MRC1: variants seen among roughly 807,000 people sequenced by gnomAD.
MRC1 encodes macrophage mannose receptor 1.
A neutral mutation model predicts 102.9 loss-of-function variants in MRC1; 62 were observed. The ratio of observed to expected loss-of-function variants is 0.60; its 90% CI spans 0.49 to 0.74. The LOEUF (loss-of-function observed/expected upper bound fraction) is 0.74. MRC1 is among the 30% of genes least tolerant of loss of function. The pLI, the probability that MRC1 is intolerant of heterozygous loss-of-function variation, is 0.00. For missense variants in MRC1, 1,237 were observed against 862.8 expected, an observed-to-expected ratio of 1.43 and a Z score of -5.43; for synonymous variants, 457 against 298.4, an observed-to-expected ratio of 1.53 and a Z score of -5.48.
chr10:17,868,741 G>T (rs1324855220), intron 12 of MRC1, among the ~76,000 whole-genome samples: 1 of 152,196 alleles, frequency 6.6e-6, no homozygotes, highest in Admixed American at 6.5e-5. Flanking sequence ...TCTAACTCAA[G>T]AGGAGTATGG....
chr10:17,906,513 C>T (rs936666192), intron 26 of MRC1, among the ~76,000 whole-genome samples: 4 of 152,126 alleles, frequency 2.6e-5, no homozygotes, highest in Non-Finnish European at 5.9e-5. Flanking sequence ...TTATCTGCTT[C>T]ACCAAGAATG....
At chr10:17,874,673 A>G (rs1833402563) in intron 16 of MRC1, among the ~76,000 whole-genome samples, 1 of 151,448 alleles carries the variant, frequency 6.6e-6, no homozygotes, top group Non-Finnish European at 1.5e-5. Context: ...GAAGCACCCA[A>G]GTGCATCTAT....
At position 17,907,649 on chromosome 10, in the gene MRC1, T is replaced by C; in HGVS notation, c.4029T>C (p.Ser1343=). The C allele has an allele frequency of 1.3e-6, 1 of 780,776 alleles. No homozygotes were observed. The highest frequency in any genetic ancestry group is 2.4e-6 in the Non-Finnish European group (1 of 417,954). 48.4% of individuals were successfully genotyped at this position (780,776 alleles called of 1,614,324 possible). A position where few individuals can be genotyped will look rare whatever the true frequency, so the allele number is the denominator to read the frequency against. ...VALHASSGFW[S]NIHCSSYKGY... ...TACATGCGTCTTCTGGGTTTTGGAG[T>C]AATATTCACTGTTCATCCTACAAAG... is the stretch of plus-strand genomic sequence containing the variant. The change falls in exon 28 of 30, where the codon AGT becomes AGC. Residue 1343 remains serine, a synonymous_variant. Coordinates refer to ENST00000569591, the MANE Select transcript of MRC1 (RefSeq NM_002438.4).
chr10:17,898,249 G>T lies in MRC1; in HGVS notation c.3466G>T (p.Ala1156Ser). The change falls in exon 24 of 30, where the codon GCC (alanine) becomes TCC (serine). Residue 1156 changes from alanine (A) to serine (S), a missense_variant. By Grantham distance (99) the Ala-to-Ser change is moderately conservative. Coordinates refer to ENST00000569591, the MANE Select transcript of MRC1 (RefSeq NM_002438.4). ...AACATCTAATGAACGTGTGTGGATC[G>T]CCCTGAACAGTAACTTGGTAAGATG... ...METSNERVWI[A>S]LNSNLTDNQY... 1.3e-6 allele frequency: 1 copy of T among 779,028 alleles called. No homozygotes were observed. Among genetic ancestry groups the T allele is most frequent in the Non-Finnish European group, 2.4e-6 (1 of 417,360 alleles). 48.3% of individuals were successfully genotyped at this position (779,028 alleles called of 1,614,324 possible). A position where few individuals can be genotyped will look rare whatever the true frequency, so the allele number is the denominator to read the frequency against.
At chr10:17,829,719 G>A (rs1193030162) in intron 3 of MRC1, among the ~76,000 whole-genome samples, 1 of 151,344 alleles carries the variant, frequency 6.6e-6, no homozygotes, top group Non-Finnish European at 1.5e-5. Context: ...CTTTCTTAAG[G>A]GTATATATTT....
chr10:17,909,203 A>G (rs1225280052), intron 28 of MRC1, 103 bp from the exon 29 acceptor site: 2 of 723,948 alleles, frequency 2.8e-6, no homozygotes, highest in Non-Finnish European at 5.1e-6. Flanking sequence ...CAATCAACAC[A>G]CATCAAATGT....
chr10:17,884,847 G>A (rs1398621463), intron 21 of MRC1, among the ~76,000 whole-genome samples: 3 of 152,184 alleles, frequency 2.0e-5, no homozygotes, highest in Non-Finnish European at 4.4e-5. Flanking sequence ...AACTGTCTGG[G>A]TTAAGAGTCC....
Position 17,853,002 on chromosome 10 carries a change from A to G in MRC1, c.1285A>G (p.Ile429Val). 1 of 780,818 alleles carries G rather than the reference A, an allele frequency of 1.3e-6. No individual in the cohort carries two copies. The highest frequency in any genetic ancestry group is 2.4e-6 in the Non-Finnish European group (1 of 417,940). The allele number at this position is 780,818 out of a possible 1,614,324, so 48.4% of individuals were successfully genotyped here. A position where few individuals can be genotyped will look rare whatever the true frequency, so the allele number is the denominator to read the frequency against. ...NDELWIGLNDIKIQMYFEWSD... is the reference protein window; with the variant it reads ...NDELWIGLNDVKIQMYFEWSD... ...CGAATTGTGGATCGGCTTAAATGAC[A>G]TTAAGATTCAAATGTACTTTGAGTG... The change falls in exon 8 of 30, where the codon ATT becomes GTT. Residue 429 changes from isoleucine (I) to valine (V), a missense_variant. Ile to Val is a conservative substitution (Grantham distance 29). Transcript: ENST00000569591.
At chr10:17,833,200 A>G (rs1838605926) in intron 3 of MRC1, among the ~76,000 whole-genome samples, 1 of 152,176 alleles carries the variant, frequency 6.6e-6, no homozygotes, top group African/African-American at 2.4e-5. Context: ...TTTCAGGAGT[A>G]AAGAAAATCT....
At chr10:17,840,881 C>T (rs1838739797) in intron 5 of MRC1, 75 bp downstream of exon 5, 5 of 779,478 alleles carry the variant, frequency 6.4e-6, no homozygotes, top group Middle Eastern at 2.5e-4. Flanking sequence ...TTTATTATCT[C>T]ACCTGTTGAT....
intron 8 of MRC1, among the ~76,000 whole-genome samples, chr10:17,856,020 A>G (rs1833085676): frequency 6.6e-6 from 1 of 152,012 alleles, no homozygotes; most frequent in Admixed American, 6.6e-5. Context: ...AATACAAAAA[A>G]TTAGCAGAGC....
chr10:17,892,583 C>A (rs1833694943), intron 22 of MRC1, among the ~76,000 whole-genome samples: 1 of 152,198 alleles, frequency 6.6e-6, no homozygotes, highest in Non-Finnish European at 1.5e-5. Context: ...TTCCAAGCTC[C>A]TTACATATCC....
chr10:17,831,985 G>A lies in MRC1; in HGVS notation c.638-1690G>A, dbSNP rs1320635774. On this transcript the variant is annotated intron_variant, in intron 3 of 29. Coordinates refer to ENST00000569591, the MANE Select transcript of MRC1 (RefSeq NM_002438.4). ...AATGAAAAAGTTACAAGCAACATTT[G>A]CTATTGCTAAGCGCTCCACCTGTAT... Among the ~76,000 whole-genome samples the A allele has an allele frequency of 2.0e-5, 3 of 151,686 alleles. No homozygotes were observed. In the East Asian group the frequency reaches 5.8e-4, roughly 29 times the overall value.
At chr10:17,845,507 G>T in intron 6 of MRC1, 72 bp downstream of exon 6, 1 of 772,484 alleles carries the variant, frequency 1.3e-6, no homozygotes, top group Non-Finnish European at 2.4e-6. Context: ...CAGCTTAGGT[G>T]TAACTGTTGG....
At chr10:17,833,503 A>C (rs1838611862) in intron 3 of MRC1, among the ~76,000 whole-genome samples, 172 bp from the exon 4 acceptor site, 1 of 146,156 alleles carries the variant, frequency 6.8e-6, no homozygotes, top group East Asian at 2.0e-4. Context: ...CCTGGGCAAC[A>C]GAGCAAGACT....
chr10:17,824,306 A>G (rs1291816771), intron 2 of MRC1, among the ~76,000 whole-genome samples: 1 of 152,222 alleles, frequency 6.6e-6, no homozygotes, highest in Non-Finnish European at 1.5e-5. Context: ...TTAGGTTTGG[A>G]TACTTCGTTA....
intron 21 of MRC1, among the ~76,000 whole-genome samples, chr10:17,882,499 G>A (rs1417086095): frequency 2.6e-5 from 4 of 152,110 alleles, no homozygotes; most frequent in Non-Finnish European, 5.9e-5. Context: ...TGTTATGTAA[G>A]CTCTCTTTTG....
chr10:17,815,233 C>T (rs939299826), intron 1 of MRC1, among the ~76,000 whole-genome samples: 2 of 152,032 alleles, frequency 1.3e-5, no homozygotes, highest in Non-Finnish European at 2.9e-5. Flanking sequence ...TGAACTTGGC[C>T]AAGGTCACAC....
Position 17,907,518 on chromosome 10 carries a change from T to A in MRC1, c.3914-16T>A. The A allele has an allele frequency of 1.3e-6, 1 of 780,810 alleles. No individual in the cohort carries two copies. The highest frequency in any genetic ancestry group is 2.4e-6 in the Non-Finnish European group (1 of 417,952). 48.4% of individuals were successfully genotyped at this position (780,810 alleles called of 1,614,324 possible). A position where few individuals can be genotyped will look rare whatever the true frequency, so the allele number is the denominator to read the frequency against. ...ATATTTAACTTTTGTCTTTATTGGT[T>A]TTATCTGATGACCAGGGACGTGGCT... On this transcript the variant is annotated splice_polypyrimidine_tract_variant and intron_variant, in intron 27 of 29. Coordinates refer to ENST00000569591, the MANE Select transcript of MRC1 (RefSeq NM_002438.4).
Sources: allele counts gnomAD v4.1 joint callset (sites outside exome capture counted in the v4.1 genomes callset), GRCh38; gene constraint gnomAD v4.1.1; transcripts MANE v1.5; gene names NCBI Gene and HGNC (gene_info 2026-07-23, HGNC 2026-07-21).